NXPE2: variants seen among roughly 807,000 people sequenced by gnomAD.
NXPE2 encodes the protein neurexophilin and PC-esterase domain family member 2, also known as NXPE family member 2.
A neutral mutation model predicts 34.4 loss-of-function variants in NXPE2; 34 were observed. The ratio of observed to expected loss-of-function variants is 0.99; its 90% CI spans 0.75 to 1.31. The LOEUF (loss-of-function observed/expected upper bound fraction) is 1.31. Among genes scored for constraint, NXPE2 ranks in the 40% most tolerant of loss-of-function variants. The pLI is 0.00. For synonymous variants in NXPE2, 235 were observed against 231.3 expected (o/e 1.02, Z -0.15); for missense variants, 649 against 672.5 (o/e 0.97, Z 0.39).
chr11:114,604,743 T>C, the NXPE2 span, among the ~76,000 whole-genome samples: 1 of 151,888 alleles, frequency 6.6e-6, no homozygotes, highest in Non-Finnish European at 1.5e-5. Context: ...CGGTGGATAA[T>C]AAGTATTGCC....
At chr11:114,620,681 G>A in the NXPE2 span, among the ~76,000 whole-genome samples, 2 of 150,388 alleles carry the variant, frequency 1.3e-5, no homozygotes, top group African/African-American at 2.4e-5. Flanking sequence ...TTGTCTCCCA[G>A]GTAACCACTG....
chr11:114,733,763 T>G, the NXPE2 span, among the ~76,000 whole-genome samples: 1 of 152,198 alleles, frequency 6.6e-6, no homozygotes, highest in African/African-American at 2.4e-5. Context: ...CTCACCTAGA[T>G]GTTTTGCCAG....
the NXPE2 span, among the ~76,000 whole-genome samples, chr11:114,598,178 AC>A: frequency 1.4e-5 from 2 of 137,952 alleles, no homozygotes; most frequent in Admixed American, 7.3e-5. Context: ...AAGAGCAGTC[AC>A]TAAACTTCAG....
chr11:114,710,180 C>T (rs768281541), downstream of NXPE2, among the ~76,000 whole-genome samples: 1 of 152,054 alleles, frequency 6.6e-6, no homozygotes, highest in Non-Finnish European at 1.5e-5. Flanking sequence ...TAACTCTGCC[C>T]TTCAAGGAAC....
chr11:114,537,833 T>C, the NXPE2 span, among the ~76,000 whole-genome samples: 2 of 151,782 alleles, frequency 1.3e-5, no homozygotes, highest in Non-Finnish European at 2.9e-5. Context: ...GAAGAATCAG[T>C]ATCATGAAAA....
At chr11:114,572,059 A>G in the NXPE2 span, among the ~76,000 whole-genome samples, 1 of 152,164 alleles carries the variant, frequency 6.6e-6, no homozygotes, top group Admixed American at 6.6e-5. Flanking sequence ...AGACCTGAAG[A>G]TGGGTCACAT....
At chr11:114,635,371 CA>C in the NXPE2 span, among the ~76,000 whole-genome samples, 14 of 150,310 alleles carry the variant, frequency 9.3e-5, no homozygotes, top group Admixed American at 9.3e-4. Flanking sequence ...TGGGCTGAGA[CA>C]ATGGGGTTTT....
chr11:114,707,113 T>C (rs182321510), downstream of NXPE2, among the ~76,000 whole-genome samples: 150 of 152,282 alleles, frequency 9.9e-4, no homozygotes, highest in Admixed American at 8.2e-3. Context: ...ATTTTTGAGA[T>C]AGAGTTTTGC....
At chr11:114,712,203 G>T in the NXPE2 span, among the ~76,000 whole-genome samples, 1 of 152,012 alleles carries the variant, frequency 6.6e-6, no homozygotes. Flanking sequence ...ACTTCTAGAA[G>T]AAAATAGAAG....
At chr11:114,522,248 A>G in the NXPE2 span, 1 of 1,614,112 alleles carries the variant, frequency 6.2e-7, no homozygotes, top group Non-Finnish European at 8.5e-7. Context: ...TTGAACACCG[A>G]TGGCCCTGCG....
intron 2 of NXPE2, among the ~76,000 whole-genome samples, chr11:114,682,580 G>A (rs577796902): frequency 1.2e-4 from 18 of 152,238 alleles, no homozygotes; most frequent in Non-Finnish European, 2.4e-4. Context: ...ATGTCACAAG[G>A]ACTTTAAAAG....
At chr11:114,689,212 G>A (rs1049212907) in intron 2 of NXPE2, among the ~76,000 whole-genome samples, 10 of 151,988 alleles carry the variant, frequency 6.6e-5, no homozygotes, top group African/African-American at 2.4e-4. Context: ...TCTTCTTGAT[G>A]CAGGGATTTA....
chr11:114,675,256 A>C (rs1712816), upstream of NXPE2, among the ~76,000 whole-genome samples: 75,903 of 151,582 alleles, frequency 0.5, 20,164 homozygotes, highest in East Asian at 0.79. Context: ...GAGGAATAAG[A>C]GGATACCCAC....
At chr11:114,628,588 C>T in the NXPE2 span, among the ~76,000 whole-genome samples, 1 of 149,070 alleles carries the variant, frequency 6.7e-6, no homozygotes, top group African/African-American at 2.5e-5. Flanking sequence ...AAAATTGACA[C>T]CCTAACATCA....
upstream of NXPE2, among the ~76,000 whole-genome samples, chr11:114,674,623 G>C (rs1214775607): frequency 6.6e-6 from 1 of 151,250 alleles, no homozygotes; most frequent in South Asian, 2.1e-4. Flanking sequence ...GAGAAAGAAC[G>C]ACACAAAGTA....
chr11:114,538,962 C>T, the NXPE2 span, among the ~76,000 whole-genome samples: 3 of 152,090 alleles, frequency 2.0e-5, no homozygotes, highest in African/African-American at 4.8e-5. Context: ...ATAAATCATG[C>T]TGCTATAAAG....
At chr11:114,633,021 A>G in the NXPE2 span, among the ~76,000 whole-genome samples, 1 of 109,792 alleles carries the variant, frequency 9.1e-6, no homozygotes, top group Admixed American at 1.3e-4. Context: ...TATATAATAT[A>G]TAATGTAATA....
the NXPE2 span, among the ~76,000 whole-genome samples, chr11:114,470,319 G>T: frequency 6.6e-6 from 1 of 152,098 alleles, no homozygotes; most frequent in Non-Finnish European, 1.5e-5. Context: ...CCAACTATGT[G>T]AGAGAATTCC....
At chr11:114,792,957 C>A in the NXPE2 span, among the ~76,000 whole-genome samples, 2 of 152,130 alleles carry the variant, frequency 1.3e-5, no homozygotes, top group Non-Finnish European at 2.9e-5. Context: ...TGAATGTCTG[C>A]GGTAAAAAGG....
Sources: gnomAD v4.1 joint callset for allele counts (sites outside exome capture counted in the v4.1 genomes callset) on GRCh38, gnomAD v4.1.1 for gene constraint, MANE v1.5 for transcripts, NCBI Gene and HGNC (gene_info 2026-07-23, HGNC 2026-07-21) for gene names.